The following CUX1 variants were observed in gnomAD, a reference collection of about 807,000 sequenced individuals.
CUX1 encodes the protein cut like homeobox 1.
Under a neutral mutation model 158.8 loss-of-function variants are expected in CUX1, and 31 were observed. That is an observed-to-expected ratio of 0.20 (90% CI 0.15 to 0.26). The LOEUF (loss-of-function observed/expected upper bound fraction) is 0.26. Among genes scored for constraint, CUX1 ranks in the 10% least tolerant of loss-of-function variants. The pLI is 1.00. For synonymous variants in CUX1, 879 were observed against 862.1 expected (o/e 1.02, Z -0.34); for missense variants, 1,589 against 2,014.6 (o/e 0.79, Z 4.04).
At chr7:101,984,163 T>TGC (rs1813963820) in intron 2 of CUX1, among the ~76,000 whole-genome samples, 1 of 138,458 alleles carries the variant, frequency 7.2e-6, no homozygotes, top group Admixed American at 7.4e-5. Context: ...TGTGTGTGTG[T>TGC]GTGTGTGTGT....
chr7:102,143,113 C>T (rs1420277332), intron 8 of CUX1, among the ~76,000 whole-genome samples: 1 of 152,100 alleles, frequency 6.6e-6, no homozygotes, highest in Non-Finnish European at 1.5e-5. Context: ...GGCAGGCTGC[C>T]GGCCCACGAT....
chr7:101,971,576 T>G (rs569942076), intron 2 of CUX1, among the ~76,000 whole-genome samples: 3 of 152,178 alleles, frequency 2.0e-5, no homozygotes, highest in Non-Finnish European at 4.4e-5. Context: ...CTGTGTACTT[T>G]GTAAAGATGA....
At chr7:101,941,360 T>TG (rs1807696073) in intron 2 of CUX1, among the ~76,000 whole-genome samples, 1 of 152,190 alleles carries the variant, frequency 6.6e-6, no homozygotes, top group Admixed American at 6.5e-5. Context: ...CATCGCTGCA[T>TG]GGGGAGACCT....
chr7:102,135,571 T>TTG (rs111724094), intron 8 of CUX1, among the ~76,000 whole-genome samples: 47,471 of 149,238 alleles, frequency 0.32, 7,548 homozygotes, highest in Middle Eastern at 0.35. Flanking sequence ...GTGTGTGTGT[T>TTG]TGTGTGTGTG....
chr7:102,087,127 TG>T (rs1828029255), intron 4 of CUX1, among the ~76,000 whole-genome samples: 1 of 152,266 alleles, frequency 6.6e-6, no homozygotes, highest in Admixed American at 6.5e-5. Flanking sequence ...AATGCAATTA[TG>T]GATAAAGTTG....
At chr7:101,987,147 G>A (rs1376943337) in intron 2 of CUX1, among the ~76,000 whole-genome samples, 1 of 152,186 alleles carries the variant, frequency 6.6e-6, no homozygotes, top group African/African-American at 2.4e-5. Context: ...TAGCCCATGG[G>A]TAGAGTTGCA....
intron 5 of CUX1, among the ~76,000 whole-genome samples, chr7:102,101,024 AG>A (rs1421047542): frequency 1.3e-5 from 2 of 152,080 alleles, no homozygotes; most frequent in African/African-American, 4.8e-5. Context: ...ACAAGAGAGG[AG>A]GGGGCATCCC....
chr7:102,201,011 C>T lies in CUX1; in HGVS notation c.2063-349C>T, dbSNP rs575780190. Among the ~76,000 whole-genome samples the T allele has an allele frequency of 8.5e-4, 96 of 112,474 alleles. No homozygotes were observed. Among genetic ancestry groups the T allele is most frequent in the Admixed American group, 2.9e-3 (23 of 7,800 alleles). The allele number at this position is 112,474 out of a possible 152,430, so 73.8% of individuals were successfully genotyped here. ...CACTGCGCTCCAGCCTGGACAACAG[C>T]GAGATCCTGTCGCTAAAAAAAAAAA... On this transcript the variant is annotated intron_variant, in intron 17 of 23. Coordinates refer to ENST00000292535, the MANE Select transcript of CUX1 (RefSeq NM_181552.4). This position sits in a 1 kb window ranked among gnomAD's most constrained non-coding sequence, Gnocchi z 5.0.
intron 1 of CUX1, among the ~76,000 whole-genome samples, chr7:101,908,332 G>C (rs1802989672): frequency 6.6e-6 from 1 of 151,988 alleles, no homozygotes. Context: ...TTTTAGTAGA[G>C]ACAGGGTTTC....
intron 1 of CUX1, among the ~76,000 whole-genome samples, chr7:101,864,399 C>T (rs10953352): frequency 0.2 from 30,174 of 151,984 alleles, 3,858 homozygotes; most frequent in Non-Finnish European, 0.28. Context: ...TGAGCTCAAG[C>T]GATCCTGCTG....
At chr7:101,882,059 C>T (rs2131565877) in intron 1 of CUX1, among the ~76,000 whole-genome samples, 1 of 151,764 alleles carries the variant, frequency 6.6e-6, no homozygotes, top group African/African-American at 2.4e-5. Context: ...TGGTGCACGC[C>T]TGTAGTCCCA....
intron 22 of CUX1, among the ~76,000 whole-genome samples, chr7:102,235,453 C>A (rs1799456260): frequency 6.6e-6 from 1 of 152,318 alleles, no homozygotes; most frequent in African/African-American, 2.4e-5. Flanking sequence ...GTAATCCCAG[C>A]ACTTTGGGAG....
chr7:101,953,978 T>C (rs1809439801), intron 2 of CUX1, among the ~76,000 whole-genome samples: 1 of 152,202 alleles, frequency 6.6e-6, no homozygotes, highest in South Asian at 2.1e-4. Flanking sequence ...TCTTTTCAAA[T>C]TGTAACCCTC....
Position 102,253,118 on chromosome 7 carries a change from C to T in CUX1, c.*4076C>T. On this transcript the variant is annotated 3_prime_UTR_variant, in exon 24 of 24. Coordinates refer to ENST00000292535, the MANE Select transcript of CUX1 (RefSeq NM_181552.4). The stretch of plus-strand genomic sequence containing the variant: ...AAATACCTCCCTGCTCAGTTTCCTT[C>T]CTGTCGCCATCTTTGTTTTCTTCCC... 1.0e-6 allele frequency: 1 copy of T among 985,572 alleles called. No individual in the cohort carries two copies. Among genetic ancestry groups the T allele is most frequent in the Non-Finnish European group, 1.2e-6 (1 of 830,004 alleles). 61.1% of individuals were successfully genotyped at this position (985,572 alleles called of 1,614,324 possible).
intron 8 of CUX1, among the ~76,000 whole-genome samples, chr7:102,141,911 G>A (rs1320815833): frequency 2.0e-5 from 3 of 151,738 alleles, no homozygotes; most frequent in African/African-American, 7.3e-5. Context: ...AGAGTGCTGG[G>A]ATTACAGGCG....
At chr7:102,190,949 C>T (rs1464022554) in intron 12 of CUX1, among the ~76,000 whole-genome samples, 1 of 152,176 alleles carries the variant, frequency 6.6e-6, no homozygotes, top group African/African-American at 2.4e-5. Flanking sequence ...GATGAGCCTA[C>T]ACCCACTCAC....
chr7:102,196,584 T>C (rs781936378), intron 14 of CUX1, 50 bp from the exon 15 acceptor site: 2 of 1,409,788 alleles, frequency 1.4e-6, no homozygotes, highest in Non-Finnish European at 1.9e-6. Flanking sequence ...TGGTTTTTTT[T>C]TCCCCCTTTG....
At chr7:102,192,095 G>C (rs973185246) in intron 12 of CUX1, among the ~76,000 whole-genome samples, 4 of 152,136 alleles carry the variant, frequency 2.6e-5, no homozygotes, top group Non-Finnish European at 2.9e-5. Context: ...CCACTTCCTG[G>C]TGAACCAGCT....
chr7:101,828,982 T>C (rs1238252773), intron 1 of CUX1, among the ~76,000 whole-genome samples: 1 of 151,798 alleles, frequency 6.6e-6, no homozygotes, highest in African/African-American at 2.4e-5. Context: ...GGGAGGGAAT[T>C]CCAGGGGTCG....
Sources: gnomAD v4.1 joint callset for allele counts (sites outside exome capture counted in the v4.1 genomes callset) on GRCh38, gnomAD v4.1.1 for gene constraint, Gnocchi (gnomAD v3.1) non-coding constraint, MANE v1.5 for transcripts, NCBI Gene and HGNC (gene_info 2026-07-23, HGNC 2026-07-21) for gene names.